Variants in SRGAP1 observed in about 807,000 individuals in gnomAD.
SRGAP1 encodes SLIT-ROBO Rho GTPase activating protein 1.
Under a neutral mutation model 121.9 loss-of-function variants are expected in SRGAP1, and 43 were observed. The ratio of observed to expected loss-of-function variants is 0.35; its 90% CI spans 0.28 to 0.46. The LOEUF (loss-of-function observed/expected upper bound fraction) is 0.46, where lower values mean the gene tolerates loss of function less well. Among genes scored for constraint, SRGAP1 ranks in the 20% least tolerant of loss-of-function variants. The pLI, the probability that SRGAP1 is intolerant of heterozygous loss-of-function variation, is 1.00. For missense variants in SRGAP1, 1,102 were observed against 1,350.9 expected (o/e 0.82, Z 2.89); for synonymous variants, 447 against 485.4 (o/e 0.92, Z 1.04).
chr12:64,079,138 C>A lies in SRGAP1; in HGVS notation c.1323+22C>A, dbSNP rs1014529237. On this transcript the variant is annotated intron_variant, in intron 9 of 21. Coordinates refer to ENST00000355086, the MANE Select transcript of SRGAP1 (RefSeq NM_020762.4). Reference sequence around the variant, plus strand: ...CATGGTGTGCCCGCCACTTCCCAAGCCACTCTACAGAGCTCAGATCTAGGA... The same window carrying A: ...CATGGTGTGCCCGCCACTTCCCAAGACACTCTACAGAGCTCAGATCTAGGA... 9 of 1,612,896 alleles carry A rather than the reference C, an allele frequency of 5.6e-6. No homozygotes were observed. The African/African-American group carries it at 1.1e-4, about 19-fold the overall frequency.
chr12:64,137,927 T>G (rs1002445274), intron 21 of SRGAP1, among the ~76,000 whole-genome samples: 4 of 146,096 alleles, frequency 2.7e-5, no homozygotes, highest in Non-Finnish European at 6.0e-5. Flanking sequence ...CACAACACTC[T>G]GCCTTTTTCT....
intron 1 of SRGAP1, among the ~76,000 whole-genome samples, chr12:63,899,961 G>C (rs947205041): frequency 1.3e-5 from 2 of 152,104 alleles, no homozygotes; most frequent in Non-Finnish European, 2.9e-5. Flanking sequence ...GATGCAGAAG[G>C]CATGTTACTG....
intron 18 of SRGAP1, among the ~76,000 whole-genome samples, chr12:64,121,007 CTTTTT>C (rs35809572): frequency 4.3e-5 from 5 of 116,014 alleles, no homozygotes; most frequent in Non-Finnish European, 9.3e-5. Flanking sequence ...TTCTTTGTGT[CTTTTT>C]TTTTTTTTTT....
chr12:63,990,951 C>G (rs908588885), intron 3 of SRGAP1, among the ~76,000 whole-genome samples: 2 of 152,170 alleles, frequency 1.3e-5, no homozygotes, highest in African/African-American at 2.4e-5. Context: ...AGCGAGCTTC[C>G]TCCTTCCCAA....
In SRGAP1 at chr12:63,954,650, C is replaced by T. The variant is rs573239176; in HGVS notation, c.68-29297C>T. ...CCGAGATCGTGCCACTGCACTCCAG[C>T]CTGGGGGACAGAGCGAGACTCCATC... On this transcript the variant is annotated intron_variant, in intron 1 of 21. Transcript: ENST00000355086. Among the ~76,000 whole-genome samples the T allele has an allele frequency of 6.9e-3, 924 of 134,598 alleles. 7 individuals carry two copies. The highest frequency in any genetic ancestry group is 0.025 in the African/African-American group (882 of 35,606). The allele number at this position is 134,598 out of a possible 152,430, so 88.3% of individuals were successfully genotyped here. A position where few individuals can be genotyped will look rare whatever the true frequency, so the allele number is the denominator to read the frequency against.
intron 1 of SRGAP1, among the ~76,000 whole-genome samples, chr12:63,919,717 A>T (rs2030966186): frequency 6.6e-6 from 1 of 152,022 alleles, no homozygotes; most frequent in Non-Finnish European, 1.5e-5. Flanking sequence ...GCCTTTTTTT[A>T]AAAAATGTTA....
intron 1 of SRGAP1, among the ~76,000 whole-genome samples, chr12:63,952,876 C>T (rs2032342093): frequency 6.6e-6 from 1 of 152,022 alleles, no homozygotes; most frequent in African/African-American, 2.4e-5. Flanking sequence ...GAACTCCTGG[C>T]CTCAAGCAAT....
At chr12:63,980,338 GC>G (rs1190451809) in intron 1 of SRGAP1, among the ~76,000 whole-genome samples, 1 of 152,168 alleles carries the variant, frequency 6.6e-6, no homozygotes, top group African/African-American at 2.4e-5. Context: ...ACATCCATGA[GC>G]CAGTCTGCAT....
chr12:64,042,911 G>A lies in SRGAP1; in HGVS notation c.611G>A (p.Arg204Gln). ...GRSGDPVFHI[R>Q]LEERHQRRSS... ...TCTGGTGATCCAGTCTTCCATATTC[G>A]ACTAGAGGAGAGACATCAACGGCGA... The change falls in exon 5 of 22, where the codon CGA becomes CAA. Residue 204 changes from arginine to glutamine, a missense_variant. By Grantham distance (43) the Arg-to-Gln change is conservative (BLOSUM62 1). This residue lies in a region of SRGAP1 where 747 missense variants were observed against 929.4 expected (regional missense o/e 0.80). Coordinates refer to ENST00000355086, the MANE Select transcript of SRGAP1 (RefSeq NM_020762.4). The A allele has an allele frequency of 1.2e-6, 2 of 1,613,808 alleles. No individual in the cohort carries two copies. Among genetic ancestry groups the A allele is most frequent in the Non-Finnish European group, 1.7e-6 (2 of 1,179,860 alleles).
At chr12:63,916,782 A>C (rs2136322570) in intron 1 of SRGAP1, among the ~76,000 whole-genome samples, 1 of 152,336 alleles carries the variant, frequency 6.6e-6, no homozygotes, top group African/African-American at 2.4e-5. Flanking sequence ...AATCGCATGC[A>C]GGCCAGTAGA....
At chr12:63,876,352 G>A (rs1900028414) in intron 1 of SRGAP1, among the ~76,000 whole-genome samples, 1 of 152,144 alleles carries the variant, frequency 6.6e-6, no homozygotes, top group African/African-American at 2.4e-5. Context: ...GGAGCTTAAT[G>A]CAATCAGAAC....
At chr12:64,114,393 G>A (rs147828108) in intron 17 of SRGAP1, among the ~76,000 whole-genome samples, 25 of 134,378 alleles carry the variant, frequency 1.9e-4, no homozygotes, top group African/African-American at 6.6e-4. Context: ...AGGCTAGAGC[G>A]CCATGGCGCA....
In SRGAP1 at chr12:64,079,068, C is replaced by T. The variant is rs746037667; in HGVS notation, c.1275C>T (p.Ile425=). ...AAACCTACCTGAGTAAACCCAGCAT[C>T]GCCAAGAGAAGAGCCAACCAGCAGG... ...VSETYLSKPS[I]AKRRANQQET... is the part of the protein sequence containing the mutation. Residue 425 remains isoleucine, a synonymous_variant, in exon 9 of 22, where the codon ATC becomes ATT. Coordinates refer to ENST00000355086, the MANE Select transcript of SRGAP1 (RefSeq NM_020762.4). 1.2e-5 allele frequency: 20 copies of T among 1,613,974 alleles called. No individual in the cohort carries two copies. The South Asian group carries it at 1.3e-4, about 11-fold the overall frequency.
chr12:64,130,030 C>A (rs555446625), intron 21 of SRGAP1, among the ~76,000 whole-genome samples: 28 of 151,298 alleles, frequency 1.9e-4, no homozygotes, highest in African/African-American at 6.5e-4. Flanking sequence ...GTGACCCAAA[C>A]CTTCATTCCT....
At chr12:64,075,596 C>T (rs12310507) in intron 8 of SRGAP1, among the ~76,000 whole-genome samples, 19,639 of 152,154 alleles carry the variant, frequency 0.13, 1,526 homozygotes, top group South Asian at 0.31. Context: ...CTTTTAAAAC[C>T]TGTGCGTGAT....
intron 11 of SRGAP1, among the ~76,000 whole-genome samples, chr12:64,090,524 G>T (rs114668205): frequency 6.6e-6 from 1 of 152,126 alleles, no homozygotes; most frequent in African/African-American, 2.4e-5. Context: ...GAGGGGTATC[G>T]AACAGATGTG....
chr12:64,152,308 G>A lies in SRGAP1; in HGVS notation c.*9636G>A, dbSNP rs1023248229. The stretch of plus-strand genomic sequence containing the variant: ...GGTCACACAGCTAGATAGTGACAGA[G>A]CAGGATTTGATTCCACGCCATCTGG... On this transcript the variant is annotated 3_prime_UTR_variant, in exon 22 of 22. Transcript: ENST00000355086. 2 of 152,164 alleles carry A rather than the reference G, an allele frequency of 1.3e-5. No individual in the cohort carries two copies. Among genetic ancestry groups the A allele is most frequent in the Admixed American group, 1.3e-4 (2 of 15,272 alleles). 9.4% of individuals were successfully genotyped at this position (152,164 alleles called of 1,614,324 possible).
chr12:63,955,556 T>G (rs2032438479), intron 1 of SRGAP1, among the ~76,000 whole-genome samples: 2 of 152,132 alleles, frequency 1.3e-5, no homozygotes, highest in African/African-American at 4.8e-5. Flanking sequence ...TAAGTGAAAA[T>G]GTAACTTTAA....
chr12:64,099,103 G>A (rs1051613333), intron 15 of SRGAP1, among the ~76,000 whole-genome samples: 3 of 152,208 alleles, frequency 2.0e-5, no homozygotes, highest in Non-Finnish European at 4.4e-5. Context: ...GTTAAGAATA[G>A]AGGCTCTGGA....
Sources: allele counts gnomAD v4.1 joint callset (sites outside exome capture counted in the v4.1 genomes callset), GRCh38; gene constraint gnomAD v4.1.1; regional missense constraint gnomAD v4.1.1; transcripts MANE v1.5; gene names NCBI Gene and HGNC (gene_info 2026-07-23, HGNC 2026-07-21).